The following KLHDC8A variants were observed in gnomAD, a reference collection of about 807,000 sequenced individuals.
KLHDC8A encodes kelch domain-containing protein 8A.
Under a neutral mutation model 33.1 loss-of-function variants are expected in KLHDC8A, and 21 were observed. The observed-to-expected ratio is 0.64, with a 90% CI of 0.45 to 0.91. The LOEUF (loss-of-function observed/expected upper bound fraction) is 0.91. Among genes scored for constraint, KLHDC8A ranks in the 40% least tolerant of loss-of-function variants. The probability of loss-of-function intolerance (pLI) is 0.00; values close to 1 mark genes in which losing one functional copy is unlikely to be tolerated. For missense variants in KLHDC8A, 435 were observed against 483.3 expected (o/e 0.90, Z 0.94); for synonymous variants, 173 against 193.5 (o/e 0.89, Z 0.88).
At chr1:205,342,145 C>A (rs1167032311) in intron 2 of KLHDC8A, among the ~76,000 whole-genome samples, 1 of 152,214 alleles carries the variant, frequency 6.6e-6, no homozygotes, top group Non-Finnish European at 1.5e-5. Context: ...TTAACTAACT[C>A]TTTGGGCCTT....
intron 4 of KLHDC8A, 55 bp from the exon 5 acceptor site, chr1:205,338,651 C>G: frequency 7.1e-7 from 1 of 1,417,770 alleles, no homozygotes; most frequent in Non-Finnish European, 1.0e-6. Flanking sequence ...ACAGACCACT[C>G]CCACCAAATG....
intron 1 of KLHDC8A, 132 bp from the exon 2 acceptor site, chr1:205,343,925 CA>C (rs1025194340): frequency 1.7e-4 from 59 of 347,340 alleles, no homozygotes; most frequent in Admixed American, 5.9e-4. Flanking sequence ...CCGGGGGCAG[CA>C]CCACACCCTG....
At chr1:205,342,474 T>G (rs968064734) in intron 2 of KLHDC8A, among the ~76,000 whole-genome samples, 1 of 152,214 alleles carries the variant, frequency 6.6e-6, no homozygotes, top group Admixed American at 6.5e-5. Context: ...CCTTCCCTCC[T>G]GGAGCCTGGC....
intron 1 of KLHDC8A, chr1:205,351,434 G>A (rs924626713): frequency 7.5e-6 from 6 of 801,450 alleles, no homozygotes; most frequent in Middle Eastern, 3.4e-4. Context: ...GTGGTAATAT[G>A]AGGAAATAGT....
intron 1 of KLHDC8A, among the ~76,000 whole-genome samples, chr1:205,352,307 C>T (rs1289973560): frequency 6.6e-6 from 1 of 152,090 alleles, no homozygotes; most frequent in Non-Finnish European, 1.5e-5. Context: ...TGGGGCAGGA[C>T]CTGTACAGAG....
intron 1 of KLHDC8A, among the ~76,000 whole-genome samples, chr1:205,356,181 T>C (rs1399246879): frequency 6.7e-6 from 1 of 148,350 alleles, no homozygotes; most frequent in African/African-American, 2.5e-5. Context: ...TAAGTGAGAA[T>C]ATGCAATATT....
intron 1 of KLHDC8A, among the ~76,000 whole-genome samples, chr1:205,353,661 C>T (rs2902860): frequency 0.22 from 33,006 of 152,134 alleles, 3,996 homozygotes; most frequent in East Asian, 0.51. Context: ...TCCTGAGTAG[C>T]TGGGACTATA....
chr1:205,348,181 G>A (rs1279829394), intron 1 of KLHDC8A, among the ~76,000 whole-genome samples: 1 of 152,178 alleles, frequency 6.6e-6, no homozygotes, highest in Admixed American at 6.5e-5. Context: ...GAAGTTGGGG[G>A]TGTTGTGGGG....
At chr1:205,338,859 A>C (rs1344155706) in intron 4 of KLHDC8A, among the ~76,000 whole-genome samples, 1 of 152,170 alleles carries the variant, frequency 6.6e-6, no homozygotes, top group Non-Finnish European at 1.5e-5. Context: ...TAATAGAGGC[A>C]GTGAGGGAGG....
At chr1:205,349,384 G>A (rs774158766) in intron 1 of KLHDC8A, among the ~76,000 whole-genome samples, 1 of 152,146 alleles carries the variant, frequency 6.6e-6, no homozygotes, top group Non-Finnish European at 1.5e-5. Flanking sequence ...GGCCTTAGTG[G>A]GTATCCATTA....
At chr1:205,351,539 G>T in intron 1 of KLHDC8A, 12 of 558,086 alleles carry the variant, frequency 2.2e-5, no homozygotes, top group East Asian at 3.8e-5. Flanking sequence ...TTACTATGAT[G>T]TAAAAATTAG....
At chr1:205,338,453 C>T in intron 5 of KLHDC8A, 42 bp downstream of exon 5, 1 of 1,499,456 alleles carries the variant, frequency 6.7e-7, no homozygotes. Context: ...CCACTGAGCA[C>T]CAGAACCACA....
chr1:205,343,390 A>G lies in KLHDC8A; in HGVS notation c.215T>C (p.Val72Ala). 1 of 1,612,766 alleles carries G rather than the reference A, an allele frequency of 6.2e-7. No homozygotes were observed. The highest frequency in any genetic ancestry group is 1.1e-5 in the South Asian group (1 of 91,022). The change falls in exon 2 of 6, where the codon GTG becomes GCG. Residue 72 changes from valine (V) to alanine (A), a missense_variant. By Grantham distance (64) the Val-to-Ala change is moderately conservative (BLOSUM62 0). Coordinates refer to ENST00000367155, the MANE Select transcript of KLHDC8A (RefSeq NM_018203.3). ...CCGCTTCCCCAGGGCGGTGACGGCCACCCCCGCCCGGGCTGTGGGCAGCCG... is the reference window on the plus strand; with the variant it reads ...CCGCTTCCCCAGGGCGGTGACGGCCGCCCCCGCCCGGGCTGTGGGCAGCCG... ...LPRLPTARAG[V>A]AVTALGKRIM...
chr1:205,336,556 A>G lies in KLHDC8A; in HGVS notation c.*843T>C, dbSNP rs13375059. ...TTTTAATCATTGTGCTGCTGCTATT[A>G]ACCAGAGTGCAATTAATCCATCTTT... On this transcript the variant is annotated 3_prime_UTR_variant, in exon 6 of 6. Transcript: ENST00000367155. The G allele has an allele frequency of 0.078, 11,968 of 152,708 alleles. 805 individuals are homozygous for G. Among genetic ancestry groups the G allele is most frequent in the African/African-American group, 0.17 (7,011 of 41,522 alleles). The allele number at this position is 152,708 out of a possible 1,614,324, so 9.5% of individuals were successfully genotyped here.
intron 1 of KLHDC8A, among the ~76,000 whole-genome samples, chr1:205,346,268 CTCTA>C (rs1423355069): frequency 6.6e-6 from 1 of 152,234 alleles, no homozygotes; most frequent in Non-Finnish European, 1.5e-5. Context: ...TCCTAGGAGT[CTCTA>C]TCTGCCTGGA....
In KLHDC8A at chr1:205,354,223, CT is replaced by C. The variant is rs541297176; in HGVS notation, c.-190+2309del. 2.0e-4 allele frequency among the ~76,000 whole-genome samples: 30 copies of C among 152,184 alleles called. No individual in the cohort carries two copies. The South Asian group carries it at 5.4e-3, about 27-fold the overall frequency. On this transcript the variant is annotated intron_variant, in intron 1 of 5. Transcript: ENST00000367155. ...CAGCGCCATCTCCCTTTTCTTGCCTCTTTCCTCAACCTTTGCTATCTATTTT... is the reference window on the plus strand; with the variant it reads ...CAGCGCCATCTCCCTTTTCTTGCCTCTTCCTCAACCTTTGCTATCTATTTT...
At position 205,343,372 on chromosome 1, in the gene KLHDC8A, C is replaced by T. The variant is rs374081130; in HGVS notation, c.233G>A (p.Gly78Glu). ...GCCCCCAATCACCATGATCCGCTTC[C>T]CCAGGGCGGTGACGGCCACCCCCGC... ...ARAGVAVTALGKRIMVIGGVG... is the reference protein window; with the variant it reads ...ARAGVAVTALEKRIMVIGGVG... Residue 78 changes from glycine (G) to glutamate (E), a missense_variant, in exon 2 of 6, where the codon GGG becomes GAG. Transcript: ENST00000367155. The T allele has an allele frequency of 3.1e-6, 5 of 1,613,626 alleles. No individual in the cohort carries two copies. In the African/African-American group the frequency reaches 4.0e-5, roughly 13 times the overall value.
At chr1:205,340,545 T>C (rs576318178) in intron 2 of KLHDC8A, among the ~76,000 whole-genome samples, 13 of 151,830 alleles carry the variant, frequency 8.6e-5, no homozygotes, top group African/African-American at 2.7e-4. Context: ...AGTGCAATGG[T>C]GTGATCTCAG....
intron 1 of KLHDC8A, chr1:205,351,341 G>A (rs4951205): frequency 0.3 from 273,844 of 903,826 alleles, 46,395 homozygotes; most frequent in East Asian, 0.47. Context: ...GGAATATTGC[G>A]GGGATTTGAT....
Sources: gnomAD v4.1 joint callset for allele counts (sites outside exome capture counted in the v4.1 genomes callset) on GRCh38, gnomAD v4.1.1 for gene constraint, MANE v1.5 for transcripts, NCBI Gene and HGNC (gene_info 2026-07-23, HGNC 2026-07-21) for gene names.